NHSL1: variants seen among roughly 807,000 people sequenced by gnomAD.
NHSL1 encodes the protein NHS-like protein 1.
In NHSL1, 48 loss-of-function variants were observed where a neutral mutation model predicts 95.0. The observed-to-expected ratio is 0.51, with a 90% CI of 0.40 to 0.64. The LOEUF (loss-of-function observed/expected upper bound fraction) is 0.64. NHSL1 is among the 30% of genes least tolerant of loss of function. The probability of loss-of-function intolerance (pLI) is 0.00; values close to 1 mark genes in which losing one functional copy is unlikely to be tolerated. For synonymous variants in NHSL1, 783 were observed against 833.9 expected (o/e 0.94, Z 1.05); for missense variants, 1,971 against 2,077.7 (o/e 0.95, Z 1.00).
chr6:138,614,389 T>C (rs1784552236), intron 1 of NHSL1, among the ~76,000 whole-genome samples: 1 of 152,196 alleles, frequency 6.6e-6, no homozygotes, highest in African/African-American at 2.4e-5. Context: ...ATCCTAGCCC[T>C]GGGCTGCCTA....
intron 1 of NHSL1, among the ~76,000 whole-genome samples, chr6:138,683,600 C>T (rs1331749212): frequency 6.6e-6 from 1 of 152,202 alleles, no homozygotes; most frequent in African/African-American, 2.4e-5. Context: ...AGATATTTGA[C>T]AGGTTTTCAC....
Position 138,628,747 on chromosome 6 carries a change from C to T in NHSL1, c.96+63729G>A, listed in dbSNP as rs1392174571. ...TGGGTGACAGAGTAAGACCCTGTTT[C>T]AAAAAGAAAATTAAAAAGTTCCTCC... On this transcript the variant is annotated intron_variant, in intron 1 of 3. Coordinates refer to the NHSL1 transcript ENST00000491526. Among the ~76,000 whole-genome samples, 4 of 152,154 alleles carry T rather than the reference C, an allele frequency of 2.6e-5. No homozygotes were observed. In the East Asian group the frequency reaches 7.7e-4, roughly 29 times the overall value.
intron 1 of NHSL1, among the ~76,000 whole-genome samples, chr6:138,543,833 G>A (rs1356167990): frequency 6.6e-6 from 1 of 152,204 alleles, no homozygotes; most frequent in Non-Finnish European, 1.5e-5. Flanking sequence ...GAAGAAAGTA[G>A]AATGTCAACT....
rs1776247749 is a variant in NHSL1, at chr6:138,437,437, CACACACACAAA to C, written c.665-3768_665-3758del. Among the ~76,000 whole-genome samples, 3 of 37,354 alleles carry C rather than the reference CACACACACAAA, an allele frequency of 8.0e-5. 1 individual carries two copies. The highest frequency in any genetic ancestry group is 1.1e-4 in the African/African-American group (1 of 8,968). 24.5% of individuals were successfully genotyped at this position (37,354 alleles called of 152,430 possible). On this transcript the variant is annotated intron_variant, in intron 5 of 7. Transcript: ENST00000343505. ...ATACACACACACACACACACACACA[CACACACACAAA>C]AAAAAAAAAAAAAAATACAATGCAC...
intron 1 of NHSL1, among the ~76,000 whole-genome samples, chr6:138,527,639 G>A (rs936070932): frequency 4.6e-5 from 7 of 152,148 alleles, no homozygotes; most frequent in Non-Finnish European, 1.0e-4. Flanking sequence ...AATCCACTTA[G>A]GAGACTGAAA....
At chr6:138,552,615 G>C (rs973532086) in intron 1 of NHSL1, among the ~76,000 whole-genome samples, 2 of 152,106 alleles carry the variant, frequency 1.3e-5, no homozygotes, top group Non-Finnish European at 2.9e-5. Flanking sequence ...CAAAGTGTTA[G>C]ATTTTTCTCT....
chr6:138,571,612 C>T, intron 1 of NHSL1: 2 of 1,149,110 alleles, frequency 1.7e-6, no homozygotes, highest in Non-Finnish European at 2.5e-6. Context: ...AAAGAAACTC[C>T]TAATGGGGGC....
In NHSL1 at chr6:138,433,201, G is replaced by A. The variant is rs1164166765; in HGVS notation, c.1144C>T (p.Pro382Ser). ...GASGTGTLLR[P>S]KSQELRHFES... ...AAGTGTCTCAACTCCTGGGATTTGGGTCTCAAAAGTGTTCCAGTCCCTGAG... is the reference window on the plus strand; with the variant it reads ...AAGTGTCTCAACTCCTGGGATTTGGATCTCAAAAGTGTTCCAGTCCCTGAG... The change falls in exon 6 of 8, where the codon CCC becomes TCC. Residue 382 changes from proline (P) to serine (S), a missense_variant. This residue lies in a region of NHSL1 where 1,602 missense variants were observed against 1,654.5 expected (regional missense o/e 0.97). Transcript: ENST00000343505. 1 of 1,550,792 alleles carries A rather than the reference G, an allele frequency of 6.4e-7. No individual in the cohort carries two copies. The highest frequency in any genetic ancestry group is 2.4e-5 in the East Asian group (1 of 40,882).
rs182480856 is a variant in NHSL1 at position 138,578,003 on chromosome 6, G to A, written c.97-81632C>T. ...AGAAAGAAGTCATGGAAGGCAAAAC[G>A]CAGCTAATTACCTAATCAGCGCCGG... On this transcript the variant is annotated intron_variant, in intron 1 of 3. Coordinates refer to the NHSL1 transcript ENST00000491526. 4.8e-4 allele frequency among the ~76,000 whole-genome samples: 73 copies of A among 152,192 alleles called. No homozygotes were observed. The East Asian group carries it at 7.0e-3, about 15-fold the overall frequency.
chr6:138,518,354 T>C (rs1206299901), intron 1 of NHSL1, among the ~76,000 whole-genome samples: 2 of 151,612 alleles, frequency 1.3e-5, no homozygotes, highest in Admixed American at 1.3e-4. Flanking sequence ...TTTCTTTCCA[T>C]GGACTCTCTT....
chr6:138,475,689 T>A (rs975414800), intron 2 of NHSL1, among the ~76,000 whole-genome samples: 3 of 152,126 alleles, frequency 2.0e-5, no homozygotes, highest in African/African-American at 7.2e-5. Flanking sequence ...CTCACACCTG[T>A]AATCCCAGCA....
At chr6:138,471,445 T>G (rs140909772) in intron 3 of NHSL1, among the ~76,000 whole-genome samples, 2 of 152,266 alleles carry the variant, frequency 1.3e-5, no homozygotes, top group African/African-American at 2.4e-5. Context: ...AAAATAAAAA[T>G]TTTCAAAATT....
At chr6:138,575,118 C>T (rs548871657), upstream of NHSL1, among the ~76,000 whole-genome samples, 12 of 152,200 alleles carry the variant, frequency 7.9e-5, no homozygotes, top group South Asian at 4.2e-4. Flanking sequence ...AGGCTGGTCT[C>T]GAACTCCCAA....
chr6:138,616,866 T>C (rs891024622), intron 1 of NHSL1, among the ~76,000 whole-genome samples: 1 of 152,202 alleles, frequency 6.6e-6, no homozygotes, highest in African/African-American at 2.4e-5. Context: ...TTGTTAGAGC[T>C]GAGCAGTCAA....
chr6:138,447,780 T>G (rs1027136487), intron 3 of NHSL1, among the ~76,000 whole-genome samples: 4 of 151,924 alleles, frequency 2.6e-5, no homozygotes, highest in African/African-American at 9.7e-5. Context: ...AAAAAAAAAA[T>G]TTTAAAAAGA....
chr6:138,578,606 A>C (rs1204056366), intron 1 of NHSL1, among the ~76,000 whole-genome samples: 1 of 152,188 alleles, frequency 6.6e-6, no homozygotes, highest in East Asian at 1.9e-4. Context: ...TTTTTTAAAA[A>C]TCATGACTTC....
chr6:138,624,069 G>A (rs115556436), intron 1 of NHSL1, among the ~76,000 whole-genome samples: 1,724 of 152,138 alleles, frequency 0.011, 38 homozygotes, highest in African/African-American at 0.039. Context: ...ACCTAGTCTC[G>A]GGTATTTCTT....
chr6:138,585,610 T>C (rs1224365582), intron 1 of NHSL1, among the ~76,000 whole-genome samples: 2 of 152,070 alleles, frequency 1.3e-5, no homozygotes, highest in African/African-American at 4.8e-5. Context: ...CATCCTAAAG[T>C]TTGTTTCACT....
intron 1 of NHSL1, among the ~76,000 whole-genome samples, chr6:138,527,411 T>C (rs1051265519): frequency 1.3e-4 from 20 of 152,196 alleles, no homozygotes; most frequent in Admixed American, 3.3e-4. Context: ...TTTCTCTTCT[T>C]TTTTTAATCT....
Sources: allele counts gnomAD v4.1 joint callset (sites outside exome capture counted in the v4.1 genomes callset), GRCh38; gene constraint gnomAD v4.1.1; regional missense constraint gnomAD v4.1.1; transcripts MANE v1.5; gene names NCBI Gene and HGNC (gene_info 2026-07-23, HGNC 2026-07-21).